The following TUBA1C variants were observed in gnomAD, a reference collection of about 807,000 sequenced individuals.
The protein encoded by TUBA1C is tubulin alpha 1c, also known as tubulin alpha-1C chain.
Under a neutral mutation model 34.9 loss-of-function variants are expected in TUBA1C, and 16 were observed. The ratio of observed to expected loss-of-function variants is 0.46; its 90% CI spans 0.31 to 0.70. The LOEUF is 0.70. Among genes scored for constraint, TUBA1C ranks in the 30% least tolerant of loss-of-function variants. The pLI, the probability that TUBA1C is intolerant of heterozygous loss-of-function variation, is 0.05. For missense variants in TUBA1C, 329 were observed against 587.3 expected, an observed-to-expected ratio of 0.56 and a Z score of 4.55; for synonymous variants, 177 against 215.9, an observed-to-expected ratio of 0.82 and a Z score of 1.58.
rs970897384 is a variant in TUBA1C at position 49,272,344 on chromosome 12, G to A, written c.467G>A (p.Arg156His). The A allele has an allele frequency of 5.0e-6, 8 of 1,614,072 alleles. No individual in the cohort carries two copies. In the African/African-American group the frequency reaches 5.3e-5, roughly 11 times the overall value. Residue 156 changes from arginine to histidine, a missense_variant, in exon 4 of 4, where the codon CGT becomes CAT. Around this residue, in one of 4 missense-constraint regions of TUBA1C, gnomAD observed 152 missense variants for 240.3 expected, o/e 0.63. Coordinates refer to ENST00000301072, the MANE Select transcript of TUBA1C (RefSeq NM_032704.5). Reference sequence around the variant, plus strand: ...GGGTTCACCTCGCTGCTCATGGAACGTCTCTCAGTTGATTATGGCAAGAAG... The same window carrying A: ...GGGTTCACCTCGCTGCTCATGGAACATCTCTCAGTTGATTATGGCAAGAAG... ...GSGFTSLLME[R>H]LSVDYGKKSK...
intron 1 of TUBA1C, chr12:49,258,071 G>C (rs1350306305): frequency 6.6e-6 from 1 of 152,452 alleles, no homozygotes; most frequent in Non-Finnish European, 1.5e-5. Flanking sequence ...TGTTGGCCAG[G>C]CTGATTGTGA....
intron 1 of TUBA1C, among the ~76,000 whole-genome samples, chr12:49,253,020 G>C (rs1048924226): frequency 2.6e-5 from 4 of 151,440 alleles, no homozygotes; most frequent in African/African-American, 9.7e-5. Flanking sequence ...GGAGGTGGAG[G>C]TTGCAGTGAG....
At position 49,269,574 on chromosome 12, in the gene TUBA1C, G is replaced by C. The variant is rs773226183; in HGVS notation, c.113G>C (p.Ser38Thr). Residue 38 changes from serine to threonine, a missense_variant, in exon 2 of 4, where the codon AGT (serine) becomes ACT (threonine). By Grantham distance (58) the Ser-to-Thr change is moderately conservative. Transcript: ENST00000301072. Reference sequence around the variant, plus strand: ...ATCCAGCCCGATGGCCAGATGCCAAGTGACAAGACCATTGGGGGAGGAGAT... The same window carrying C: ...ATCCAGCCCGATGGCCAGATGCCAACTGACAAGACCATTGGGGGAGGAGAT... ...HGIQPDGQMP[S>T]DKTIGGGDDS... is the part of the protein sequence containing the mutation. The C allele has an allele frequency of 1.9e-6, 3 of 1,614,128 alleles. No homozygotes were observed. In the African/African-American group the frequency reaches 4.0e-5, roughly 22 times the overall value.
At chr12:49,234,517 G>A (rs1313663100) in intron 1 of TUBA1C, among the ~76,000 whole-genome samples, 2 of 152,232 alleles carry the variant, frequency 1.3e-5, no homozygotes, top group African/African-American at 2.4e-5. Context: ...GTGACGTGCA[G>A]CGCCAGGGCC....
chr12:49,238,554 C>A (rs888981939), intron 1 of TUBA1C, among the ~76,000 whole-genome samples: 13 of 152,182 alleles, frequency 8.5e-5, no homozygotes, highest in Non-Finnish European at 1.5e-4. Flanking sequence ...AGGGTTCCCA[C>A]AACCTCCTCC....
intron 1 of TUBA1C, chr12:49,228,278 G>A (rs980589693): frequency 9.8e-7 from 1 of 1,019,540 alleles, no homozygotes; most frequent in Non-Finnish European, 1.4e-6. Flanking sequence ...ATTGTTTCAT[G>A]TTTAATTATA....
chr12:49,241,672 TGA>T (rs151109507), intron 1 of TUBA1C, among the ~76,000 whole-genome samples: 4,223 of 151,078 alleles, frequency 0.028, 82 homozygotes, highest in Non-Finnish European at 0.044. Flanking sequence ...CTTCCTTTTT[TGA>T]GAGTCTCGCT....
intron 1 of TUBA1C, among the ~76,000 whole-genome samples, chr12:49,234,687 C>A (rs1592272277): frequency 6.6e-6 from 1 of 152,204 alleles, no homozygotes; most frequent in Non-Finnish European, 1.5e-5. Flanking sequence ...AGCGCGCCCC[C>A]GCCACGCCCT....
At chr12:49,265,967 AAAAAAC>A (rs1241214857) in intron 1 of TUBA1C, among the ~76,000 whole-genome samples, 17 of 142,354 alleles carry the variant, frequency 1.2e-4, no homozygotes, top group African/African-American at 4.5e-4. Context: ...TAAAAAAAAA[AAAAAAC>A]AAAAAAAAAC....
chr12:49,271,602 G>A (rs1259763951), intron 3 of TUBA1C, among the ~76,000 whole-genome samples: 1 of 152,238 alleles, frequency 6.6e-6, no homozygotes, highest in Non-Finnish European at 1.5e-5. Flanking sequence ...CATACAGTAA[G>A]GAACTGGTAC....
At chr12:49,248,729 G>A (rs1425344657) in intron 1 of TUBA1C, among the ~76,000 whole-genome samples, 2 of 151,124 alleles carry the variant, frequency 1.3e-5, no homozygotes, top group African/African-American at 4.9e-5. Flanking sequence ...TTAGCCGGGC[G>A]TGGTGGCAGG....
intron 1 of TUBA1C, among the ~76,000 whole-genome samples, chr12:49,254,826 A>G (rs1942767049): frequency 6.6e-6 from 1 of 152,190 alleles, no homozygotes. Context: ...CCTATCCTGA[A>G]GCTATCCAGC....
At chr12:49,264,869 C>T (rs1449043986), upstream of TUBA1C, 1 of 235,858 alleles carries the variant, frequency 4.2e-6, no homozygotes, top group Admixed American at 5.9e-5. Context: ...CCCCTTCCTC[C>T]TCTTCCTGCT....
At chr12:49,229,582 C>CTCACT (rs1485901235) in intron 1 of TUBA1C, among the ~76,000 whole-genome samples, 3 of 152,188 alleles carry the variant, frequency 2.0e-5, no homozygotes, top group Non-Finnish European at 4.4e-5. Context: ...GCCGGTACTG[C>CTCACT]TCACTTCACC....
At chr12:49,256,721 G>A (rs562046559) in intron 1 of TUBA1C, among the ~76,000 whole-genome samples, 2 of 152,306 alleles carry the variant, frequency 1.3e-5, no homozygotes, top group Admixed American at 1.3e-4. Flanking sequence ...ACAGAGGCCT[G>A]CAAGTGCAGA....
intron 3 of TUBA1C, chr12:49,270,205 C>A: frequency 1.2e-6 from 1 of 824,862 alleles, no homozygotes; most frequent in Non-Finnish European, 1.9e-6. Context: ...GCTGAGACAC[C>A]CCTTTTGAGG....
rs377250068 is a variant in TUBA1C, at chr12:49,265,156, G to A, written c.-26G>A. 16 of 1,598,280 alleles carry A rather than the reference G, an allele frequency of 1.0e-5. No homozygotes were observed. Among genetic ancestry groups the A allele is most frequent in the African/African-American group, 1.3e-5 (1 of 74,618 alleles). Reference sequence around the variant, plus strand: ...TTGCCGTCCCTTCGCCTCCTTCACCGCCGCAGACCCCTTCAAGTTCTAGTC... The same window carrying A: ...TTGCCGTCCCTTCGCCTCCTTCACCACCGCAGACCCCTTCAAGTTCTAGTC... On this transcript the variant is annotated 5_prime_UTR_variant, in exon 1 of 4. Transcript: ENST00000301072.
chr12:49,265,467 A>T (rs1343258414), intron 1 of TUBA1C, among the ~76,000 whole-genome samples: 2 of 152,216 alleles, frequency 1.3e-5, no homozygotes, highest in African/African-American at 4.8e-5. Flanking sequence ...TGCCCTAGGG[A>T]GGAAGGTCAG....
intron 1 of TUBA1C, among the ~76,000 whole-genome samples, chr12:49,232,220 G>C (rs895201281): frequency 6.6e-6 from 1 of 152,146 alleles, no homozygotes; most frequent in Non-Finnish European, 1.5e-5. Flanking sequence ...CTGTGTGAAG[G>C]GAATGAAGCA....
Sources: gnomAD v4.1 joint callset for allele counts (sites outside exome capture counted in the v4.1 genomes callset) on GRCh38, gnomAD v4.1.1 for gene constraint, gnomAD v4.1.1 regional missense constraint, MANE v1.5 for transcripts, NCBI Gene and HGNC (gene_info 2026-07-23, HGNC 2026-07-21) for gene names.